FARS2: variants seen among roughly 807,000 people sequenced by gnomAD.
FARS2 encodes the protein phenylalanyl-tRNA synthetase 2, mitochondrial.
A neutral mutation model predicts 46.4 loss-of-function variants in FARS2; 40 were observed. The ratio of observed to expected loss-of-function variants is 0.86; its 90% CI spans 0.67 to 1.12. FARS2 has a LOEUF of 1.12. Ranked by LOEUF, FARS2 falls within the 50% of genes most tolerant of loss-of-function variation. The pLI is 0.00. For synonymous variants in FARS2, 234 were observed against 214.9 expected, an observed-to-expected ratio of 1.09 and a Z score of -0.78; for missense variants, 513 against 567.9, an observed-to-expected ratio of 0.90 and a Z score of 0.98.
At chr6:5,553,177 G>C (rs1489552930) in intron 5 of FARS2, among the ~76,000 whole-genome samples, 6 of 152,052 alleles carry the variant, frequency 3.9e-5, no homozygotes, top group Non-Finnish European at 5.9e-5. Flanking sequence ...GGTTTTACTG[G>C]CTCTCTTCTG....
At chr6:5,369,390 G>A (rs944718139) in intron 2 of FARS2, among the ~76,000 whole-genome samples, 4 of 152,052 alleles carry the variant, frequency 2.6e-5, no homozygotes, top group African/African-American at 9.7e-5. Context: ...ACAGAAATTG[G>A]TAAGCCTTAG....
chr6:5,687,070 T>A (rs186824080), intron 6 of FARS2, among the ~76,000 whole-genome samples: 4 of 152,356 alleles, frequency 2.6e-5, no homozygotes, highest in African/African-American at 9.6e-5. Flanking sequence ...GTAAATTTGT[T>A]TGAGTTCATT....
intron 5 of FARS2, among the ~76,000 whole-genome samples, chr6:5,608,709 G>A (rs558805091): frequency 6.6e-6 from 1 of 151,790 alleles, no homozygotes; most frequent in African/African-American, 2.4e-5. Flanking sequence ...ACTTCAGATC[G>A]CAACAGTAAC....
At chr6:5,401,154 T>C (rs2127712763) in intron 2 of FARS2, among the ~76,000 whole-genome samples, 1 of 152,250 alleles carries the variant, frequency 6.6e-6, no homozygotes, top group Admixed American at 6.5e-5. Context: ...TACTTTCACA[T>C]TTATTGAGTT....
intron 6 of FARS2, among the ~76,000 whole-genome samples, chr6:5,726,340 A>G (rs1009605): frequency 0.92 from 139,630 of 152,206 alleles, 64,164 homozygotes; most frequent in East Asian, 1. Context: ...GGGCTCCTAG[A>G]TGATGGCTGG....
chr6:5,277,560 C>A (rs1028470724), intron 1 of FARS2, among the ~76,000 whole-genome samples: 1 of 152,042 alleles, frequency 6.6e-6, no homozygotes, highest in African/African-American at 2.4e-5. Flanking sequence ...TCTGAATACT[C>A]GATACATTTG....
upstream of FARS2, among the ~76,000 whole-genome samples, chr6:5,259,938 A>G (rs142155248): frequency 6.6e-6 from 1 of 152,156 alleles, no homozygotes; most frequent in Non-Finnish European, 1.5e-5. Context: ...ACAATAAAAG[A>G]CTCATAGGCA....
chr6:5,374,405 A>G (rs1759248955), intron 2 of FARS2, among the ~76,000 whole-genome samples: 1 of 152,128 alleles, frequency 6.6e-6, no homozygotes. Context: ...AATATAAAAA[A>G]AGAGTGCAGG....
intron 6 of FARS2, among the ~76,000 whole-genome samples, chr6:5,688,139 T>G (rs1229360813): frequency 6.6e-6 from 1 of 152,380 alleles, no homozygotes; most frequent in Non-Finnish European, 1.5e-5. Context: ...AATCATGTCA[T>G]CTGCAAACAG....
intron 4 of FARS2, among the ~76,000 whole-genome samples, chr6:5,489,222 G>A (rs1040084415): frequency 3.9e-5 from 6 of 152,256 alleles, no homozygotes; most frequent in Non-Finnish European, 5.9e-5. Context: ...GGGAGGCTGA[G>A]GTGGACGGAT....
rs200365233 is a variant in FARS2, at chr6:5,313,579, CTACTG to C, written c.-22+51922_-22+51926del. Among the ~76,000 whole-genome samples the C allele has an allele frequency of 8.8e-3, 1,335 of 152,188 alleles. 16 individuals are homozygous for C. Among genetic ancestry groups the C allele is most frequent in the African/African-American group, 0.03 (1,259 of 41,502 alleles). On this transcript the variant is annotated intron_variant, in intron 1 of 6. Coordinates refer to ENST00000274680, the MANE Select transcript of FARS2 (RefSeq NM_006567.5). ...TTTATTAGGGAATTTTTTTAGAACT[CTACTG>C]TAAATTGAGTTGAGCTATTTTGGGA... is the stretch of plus-strand genomic sequence containing the variant.
chr6:5,684,523 C>A (rs992717257), intron 6 of FARS2, among the ~76,000 whole-genome samples: 1 of 152,178 alleles, frequency 6.6e-6, no homozygotes, highest in South Asian at 2.1e-4. Flanking sequence ...GCAAATGCTG[C>A]GCTTTATTTC....
chr6:5,253,696 G>C, the FARS2 span, among the ~76,000 whole-genome samples: 1 of 152,048 alleles, frequency 6.6e-6, no homozygotes, highest in Middle Eastern at 3.2e-3. Context: ...GACCAATTGA[G>C]AGCAATCATG....
chr6:5,340,763 G>A lies in FARS2; in HGVS notation c.-21-27787G>A, dbSNP rs1275979391. On this transcript the variant is annotated intron_variant, in intron 1 of 6. Coordinates refer to ENST00000274680, the MANE Select transcript of FARS2 (RefSeq NM_006567.5). ...AGGCTAAGCCATCTTCTGCCCTTCT[G>A]CCTGGGTGCTGCTATGGTTGTAAAT... is the stretch of plus-strand genomic sequence containing the variant. 2.0e-5 allele frequency among the ~76,000 whole-genome samples: 3 copies of A among 152,058 alleles called. No individual in the cohort carries two copies. The South Asian group carries it at 6.2e-4, about 32-fold the overall frequency.
intron 4 of FARS2, among the ~76,000 whole-genome samples, chr6:5,433,248 C>T (rs1763333458): frequency 6.6e-6 from 1 of 152,182 alleles, no homozygotes; most frequent in East Asian, 1.9e-4. Flanking sequence ...CAAGGATACA[C>T]CCTCAGAGTT....
chr6:5,561,313 T>G (rs1771971474), intron 5 of FARS2, among the ~76,000 whole-genome samples: 1 of 152,196 alleles, frequency 6.6e-6, no homozygotes, highest in African/African-American at 2.4e-5. Flanking sequence ...GAGTTTGCTT[T>G]TCTTCTTAAT....
chr6:5,635,398 A>G (rs1776493798), intron 6 of FARS2, among the ~76,000 whole-genome samples: 1 of 151,970 alleles, frequency 6.6e-6, no homozygotes, highest in Admixed American at 6.5e-5. Context: ...CTTAAGGTCT[A>G]ATTGTTTTTG....
At chr6:5,753,655 C>T (rs1265542818) in intron 6 of FARS2, among the ~76,000 whole-genome samples, 1 of 152,250 alleles carries the variant, frequency 6.6e-6, no homozygotes, top group African/African-American at 2.4e-5. Context: ...CGTCTGTCTT[C>T]TCTCTCTGCT....
At chr6:5,586,557 A>G (rs1408401619) in intron 5 of FARS2, among the ~76,000 whole-genome samples, 2 of 152,120 alleles carry the variant, frequency 1.3e-5, no homozygotes, top group Admixed American at 6.5e-5. Flanking sequence ...ATCATGGTGT[A>G]TGGTCTTTTT....
Sources: allele counts gnomAD v4.1 joint callset (sites outside exome capture counted in the v4.1 genomes callset), GRCh38; gene constraint gnomAD v4.1.1; transcripts MANE v1.5; gene names NCBI Gene and HGNC (gene_info 2026-07-23, HGNC 2026-07-21).